The following ZSCAN32 variants were observed in gnomAD, a reference collection of about 807,000 sequenced individuals.
ZSCAN32 encodes zinc finger and SCAN domain-containing protein 32.
ZSCAN32 carries 52 observed loss-of-function variants against 47.4 expected under a neutral mutation model. The ratio of observed to expected loss-of-function variants is 1.10; its 90% confidence interval spans 0.88 to 1.38. The LOEUF is 1.38. Ranked by LOEUF, ZSCAN32 falls within the 40% of genes most tolerant of loss-of-function variation. ZSCAN32 has a pLI of 0.00. For synonymous variants in ZSCAN32, 346 were observed against 305.7 expected (o/e 1.13, Z -1.38); for missense variants, 959 against 846.0 (o/e 1.13, Z -1.66).
At chr16:3,394,706 A>G (rs1428646665) in intron 2 of ZSCAN32, among the ~76,000 whole-genome samples, 1 of 152,192 alleles carries the variant, frequency 6.6e-6, no homozygotes, top group East Asian at 1.9e-4. Flanking sequence ...TAAAAGGCCC[A>G]GCATCATTCT....
intron 5 of ZSCAN32, among the ~76,000 whole-genome samples, chr16:3,386,799 GGA>G (rs1251812443): frequency 5.9e-5 from 9 of 152,096 alleles, no homozygotes; most frequent in Admixed American, 1.3e-4. Flanking sequence ...TGTGGGGTGG[GGA>G]GAGAGGGGAG....
At chr16:3,388,905 G>T (rs1052249368) in intron 5 of ZSCAN32, among the ~76,000 whole-genome samples, 6 of 152,174 alleles carry the variant, frequency 3.9e-5, no homozygotes, top group Admixed American at 2.6e-4. Flanking sequence ...AGATGGAAAG[G>T]TTCTGGAACT....
At position 3,393,819 on chromosome 16, in the gene ZSCAN32, G is replaced by C. The variant is rs1014783674; in HGVS notation, c.367-5C>G. Reference sequence around the variant, plus strand: ...GTCCTTCTCAGAATCTAGAACCTGAGAACAGACCCCATTATCTATCACTAC... The same window carrying C: ...GTCCTTCTCAGAATCTAGAACCTGACAACAGACCCCATTATCTATCACTAC... On this transcript the variant is annotated splice_polypyrimidine_tract_variant and splice_region_variant and intron_variant, in intron 2 of 6. Coordinates refer to ENST00000396852, the MANE Select transcript of ZSCAN32 (RefSeq NM_001284527.2). 7 of 1,543,442 alleles carry C rather than the reference G, an allele frequency of 4.5e-6. No individual in the cohort carries two copies. Among genetic ancestry groups the C allele is most frequent in the Non-Finnish European group, 6.1e-6 (7 of 1,141,950 alleles).
At chr16:3,383,996 C>A (rs1424793963) in intron 6 of ZSCAN32, 2 of 459,716 alleles carry the variant, frequency 4.4e-6, no homozygotes, top group Non-Finnish European at 7.7e-6. Context: ...TATCATCTGC[C>A]AGTCTGTTTA....
chr16:3,394,637 G>C (rs1205458076), intron 2 of ZSCAN32, among the ~76,000 whole-genome samples: 1 of 152,116 alleles, frequency 6.6e-6, no homozygotes, highest in Non-Finnish European at 1.5e-5. Context: ...CGTAGTAACA[G>C]CACTCTTCAG....
chr16:3,387,255 A>G (rs1463296393), intron 5 of ZSCAN32, among the ~76,000 whole-genome samples: 2 of 152,212 alleles, frequency 1.3e-5, no homozygotes, highest in Non-Finnish European at 2.9e-5. Flanking sequence ...CACAGTGAAC[A>G]GGTGATACTC....
At chr16:3,392,060 G>A (rs2032767173) in intron 3 of ZSCAN32, among the ~76,000 whole-genome samples, 1 of 152,154 alleles carries the variant, frequency 6.6e-6, no homozygotes, top group African/African-American at 2.4e-5. Flanking sequence ...TCCATGCAAT[G>A]GAATATTCAG....
intron 5 of ZSCAN32, among the ~76,000 whole-genome samples, chr16:3,389,298 T>G (rs778828253): frequency 6.6e-6 from 1 of 152,180 alleles, no homozygotes; most frequent in Non-Finnish European, 1.5e-5. Flanking sequence ...GGCGGGGCAC[T>G]GTCACAGGGC....
chr16:3,394,725 T>C (rs953334215), intron 2 of ZSCAN32, among the ~76,000 whole-genome samples: 7 of 152,064 alleles, frequency 4.6e-5, no homozygotes, highest in Non-Finnish European at 1.0e-4. Flanking sequence ...CTGCCCGGCC[T>C]CCTCCCTTTC....
intron 5 of ZSCAN32, among the ~76,000 whole-genome samples, chr16:3,388,542 T>C (rs2032281809): frequency 6.6e-6 from 1 of 152,220 alleles, no homozygotes; most frequent in African/African-American, 2.4e-5. Flanking sequence ...CAGGAATCTT[T>C]ATCTGTTTGT....
chr16:3,383,272 A>G lies in ZSCAN32; in HGVS notation c.1674T>C (p.Phe558=), dbSNP rs777630729. ...PHKCSECGKG[F]SERSNLTAHL... is the part of the protein sequence containing the mutation. ...GGGCAGTGAGGTTGGAGCGCTCACT[A>G]AAGCCCTTCCCGCACTCACTGCACT... The change falls in exon 7 of 7, where the codon TTT becomes TTC. Residue 558 remains phenylalanine (F), a synonymous_variant. Transcript: ENST00000396852. 6.2e-7 allele frequency: 1 copy of G among 1,614,200 alleles called. No individual in the cohort carries two copies. Among genetic ancestry groups the G allele is most frequent in the Non-Finnish European group, 8.5e-7 (1 of 1,180,034 alleles).
chr16:3,395,490 G>A (rs1453192416), intron 2 of ZSCAN32, among the ~76,000 whole-genome samples: 2 of 152,094 alleles, frequency 1.3e-5, no homozygotes, highest in Non-Finnish European at 2.9e-5. Flanking sequence ...CTTTCCTGCT[G>A]CCATGTGAAG....
rs2032551862 is a variant in ZSCAN32 at position 3,390,473 on chromosome 16, C to A, written c.577G>T (p.Gly193Cys). Residue 193 changes from glycine to cysteine, a missense_variant, in exon 4 of 7, where the codon GGT (glycine) becomes TGT (cysteine). By Grantham distance (159) the Gly-to-Cys change is radical. Coordinates refer to ENST00000396852, the MANE Select transcript of ZSCAN32 (RefSeq NM_001284527.2). ...QAPRNLPQNT[G>C]LHDQETGAVV... ...GCACCTGTCTCCTGGTCGTGGAGAC[C>A]TGTGTTTTGAGGCAGGTTCCTGGGA... 6.5e-7 allele frequency: 1 copy of A among 1,549,624 alleles called. No individual in the cohort carries two copies. Among genetic ancestry groups the A allele is most frequent in the Admixed American group, 2.0e-5 (1 of 50,966 alleles).
intron 5 of ZSCAN32, among the ~76,000 whole-genome samples, chr16:3,386,399 TAGAACC>T (rs534988471): frequency 0.018 from 2,695 of 152,286 alleles, 75 homozygotes; most frequent in African/African-American, 0.058. Flanking sequence ...CTCAGGGATC[TAGAACC>T]AGAAATACCA....
In ZSCAN32 at chr16:3,390,014, C is replaced by T. The variant is rs780127157; in HGVS notation, c.747G>A (p.Ser249=). 5.0e-6 allele frequency: 8 copies of T among 1,610,388 alleles called. No individual in the cohort carries two copies. The highest frequency in any genetic ancestry group is 1.7e-5 in the Admixed American group (1 of 59,608). ...GATQRKDSHV[S]LATGVPWGYE... is the part of the protein sequence containing the mutation. ...GGAGGGAAGATGGATCCTTACCCAG[C>T]GAGACGTGACTGTCCTTCCTCTGGG... Residue 249 remains serine (S), a synonymous_variant, in exon 5 of 7, where the codon TCG becomes TCA. Coordinates refer to ENST00000396852, the MANE Select transcript of ZSCAN32 (RefSeq NM_001284527.2).
chr16:3,400,624 C>A (rs1009716578), intron 1 of ZSCAN32, among the ~76,000 whole-genome samples: 1 of 152,214 alleles, frequency 6.6e-6, no homozygotes, highest in Non-Finnish European at 1.5e-5. Context: ...ATTGAGTACT[C>A]AGAACGCACT....
Position 3,397,285 on chromosome 16 carries a change from CT to C in ZSCAN32, c.272del (p.Glu91GlyfsTer7), listed in dbSNP as rs1567327611. 6.4e-7 allele frequency: 1 copy of C among 1,571,904 alleles called. No individual in the cohort carries two copies. ...VLEQFLTILP[E>X]EIQTWVREQH... ...GCTCCCTCACCCAGGTCTGGATCTCCTCTGGCAAGATAGTCAGAAACTGCTC... is the reference window on the plus strand; with the variant it reads ...GCTCCCTCACCCAGGTCTGGATCTCCCTGGCAAGATAGTCAGAAACTGCTC... On this transcript the variant is annotated frameshift_variant, in exon 2 of 7. Coordinates refer to ENST00000396852, the MANE Select transcript of ZSCAN32 (RefSeq NM_001284527.2). LOFTEE classifies it high-confidence loss of function.
intron 3 of ZSCAN32, 66 bp downstream of exon 3, chr16:3,393,583 G>C (rs1596222957): frequency 2.1e-6 from 3 of 1,434,170 alleles, no homozygotes; most frequent in East Asian, 2.5e-5. Flanking sequence ...ACTCAGTTCA[G>C]ACCTTTGTTT....
At position 3,397,102 on chromosome 16, in the gene ZSCAN32, G is replaced by A. The variant is rs962587417; in HGVS notation, c.366+90C>T. 12 of 1,438,186 alleles carry A rather than the reference G, an allele frequency of 8.3e-6. No individual in the cohort carries two copies. In the South Asian group the frequency reaches 1.5e-4, roughly 18 times the overall value. The allele number at this position is 1,438,186 out of a possible 1,614,324, so 89.1% of individuals were successfully genotyped here. ...CTTCTGTGGGCAGCAGAGGGCTACT[G>A]TGTGTTTCTCAACCAAGCACCTCTC... is the stretch of plus-strand genomic sequence containing the variant. On this transcript the variant is annotated intron_variant, in intron 2 of 6. Coordinates refer to ENST00000396852, the MANE Select transcript of ZSCAN32 (RefSeq NM_001284527.2).
Sources: allele counts gnomAD v4.1 joint callset (sites outside exome capture counted in the v4.1 genomes callset), GRCh38; gene constraint gnomAD v4.1.1; transcripts MANE v1.5; gene names NCBI Gene and HGNC (gene_info 2026-07-23, HGNC 2026-07-21).